KDM6A: variants seen among roughly 807,000 people sequenced by gnomAD.
KDM6A encodes the protein lysine-specific demethylase 6A.
In KDM6A, 11 loss-of-function variants were observed where a neutral mutation model predicts 117.6. The ratio of observed to expected loss-of-function variants is 0.09; its 90% CI spans 0.06 to 0.15. KDM6A has a LOEUF of 0.15. KDM6A is among the 10% of genes least tolerant of loss of function. The pLI is 1.00. For missense variants in KDM6A, 799 were observed against 1,077.3 expected (o/e 0.74, Z 3.62); for synonymous variants, 384 against 396.1 (o/e 0.97, Z 0.36).
intron 2 of KDM6A, among the ~76,000 whole-genome samples, chrX:44,880,189 A>AT (rs1185454172): frequency 9.1e-6 from 1 of 109,397 alleles, no homozygotes; most frequent in African/African-American, 3.3e-5. Context: ...AAAAAAAAAA[A>AT]ATCACATTTT....
intron 2 of KDM6A, among the ~76,000 whole-genome samples, chrX:44,887,171 C>T (rs1370928058): frequency 9.1e-6 from 1 of 110,389 alleles, no homozygotes; most frequent in African/African-American, 3.3e-5. Flanking sequence ...CCACCTGCCT[C>T]GGCCTCTGAA....
chrX:45,011,032 A>T lies in KDM6A; in HGVS notation c.443+13A>T. The T allele has an allele frequency of 8.7e-7, 1 of 1,149,353 alleles. No individual in the cohort carries two copies. Among genetic ancestry groups the T allele is most frequent in the Non-Finnish European group, 1.2e-6 (1 of 839,752 alleles). 94.7% of individuals were successfully genotyped at this position (1,149,353 alleles called of 1,213,427 possible). On this transcript the variant is annotated intron_variant, in intron 5 of 29. Coordinates refer to ENST00000611820, the MANE Select transcript of KDM6A (RefSeq NM_001291415.2). ...ATGCATTTCAGTGGTAAGTTGACAT[A>T]AAACCAGTAATTCAGTCATTTTCAG...
At chrX:44,948,301 C>G (rs2037783633) in intron 2 of KDM6A, among the ~76,000 whole-genome samples, 1 of 111,937 alleles carries the variant, frequency 8.9e-6, no homozygotes. Context: ...GTTAAAAGCT[C>G]TCTCTGTCTT....
chrX:45,079,582 C>T (rs1479090157), intron 21 of KDM6A, among the ~76,000 whole-genome samples: 2 of 111,783 alleles, frequency 1.8e-5, no homozygotes, highest in Admixed American at 9.5e-5. Context: ...CTCCATCTGT[C>T]GCCTAGGCTA....
At chrX:44,896,841 G>GC (rs2033907580) in intron 2 of KDM6A, among the ~76,000 whole-genome samples, 1 of 109,260 alleles carries the variant, frequency 9.2e-6, no homozygotes, top group African/African-American at 3.3e-5. Context: ...TGAGAAATTT[G>GC]CTGTCATTTG....
intron 4 of KDM6A, among the ~76,000 whole-genome samples, chrX:45,001,923 TCCTCAGG>T (rs1386194622): frequency 9.0e-6 from 1 of 111,027 alleles, no homozygotes; most frequent in African/African-American, 3.3e-5. Flanking sequence ...GAGAACGTGA[TCCTCAGG>T]CTGGTGCTGG....
Position 45,082,763 on chromosome X carries a change from C to G in KDM6A, c.3414C>G (p.Thr1138=), listed in dbSNP as rs2045472846. The G allele has an allele frequency of 1.7e-6, 2 of 1,195,702 alleles. No individual in the cohort carries two copies. The highest frequency in any genetic ancestry group is 2.3e-6 in the Non-Finnish European group (2 of 881,768). The part of the protein sequence containing the change: ...KGPFKTIKFG[T]NIDLSDDKKW... ...CCTTTAAAACCATAAAGTTTGGGAC[C>G]AATATTGACCTATCTGATGACAAAA... The change falls in exon 23 of 30, where the codon ACC becomes ACG. Residue 1138 remains threonine, a synonymous_variant. Transcript: ENST00000611820.
intron 2 of KDM6A, among the ~76,000 whole-genome samples, chrX:44,946,105 C>T (rs1440170928): frequency 8.9e-6 from 1 of 112,400 alleles, no homozygotes; most frequent in Non-Finnish European, 1.9e-5. Context: ...ATCAGATTTT[C>T]TTTTCTTTCG....
intron 2 of KDM6A, among the ~76,000 whole-genome samples, chrX:44,950,314 C>T (rs1026468086): frequency 9.0e-6 from 1 of 111,552 alleles, no homozygotes. Flanking sequence ...CCCCTGCGCC[C>T]GGCCTTGCCA....
chrX:44,883,179 C>T (rs960481057), intron 2 of KDM6A, among the ~76,000 whole-genome samples: 10 of 109,278 alleles, frequency 9.2e-5, no homozygotes, highest in African/African-American at 3.3e-4. Flanking sequence ...AGCAATTCTC[C>T]TGTCTCAGCC....
intron 2 of KDM6A, among the ~76,000 whole-genome samples, chrX:44,891,154 G>C (rs768952290): frequency 2.9e-4 from 32 of 110,668 alleles, no homozygotes; most frequent in Non-Finnish European, 5.1e-4. Context: ...ACAGTCTTTT[G>C]CAGTGCAAAG....
At chrX:44,919,673 C>T (rs1345231466) in intron 2 of KDM6A, among the ~76,000 whole-genome samples, 1 of 103,972 alleles carries the variant, frequency 9.6e-6, no homozygotes, top group Non-Finnish European at 2.0e-5. Context: ...TGGGGTCCCG[C>T]TCTGTTGCCC....
chrX:44,897,694 G>C (rs923471378), intron 2 of KDM6A, among the ~76,000 whole-genome samples: 2 of 111,446 alleles, frequency 1.8e-5, no homozygotes, highest in African/African-American at 6.5e-5. Context: ...TTGGCCTGCT[G>C]AGTAACTAGG....
At chrX:44,959,954 G>A (rs2038575984) in intron 2 of KDM6A, among the ~76,000 whole-genome samples, 1 of 111,532 alleles carries the variant, frequency 9.0e-6, no homozygotes, top group African/African-American at 3.3e-5. Flanking sequence ...AAGGATAATA[G>A]ACTCAGCCTA....
chrX:44,952,388 C>A lies in KDM6A; in HGVS notation c.226-8896C>A, dbSNP rs773588827. On this transcript the variant is annotated intron_variant, in intron 2 of 29. Coordinates refer to ENST00000611820, the MANE Select transcript of KDM6A (RefSeq NM_001291415.2). ...CTAGGTTCGAGCGATTCTCCTGCCT[C>A]AGCCTCCTGAGTAGCTGGAATTACA... Among the ~76,000 whole-genome samples, 6 of 108,619 alleles carry A rather than the reference C, an allele frequency of 5.5e-5. No individual in the cohort carries two copies. The East Asian group carries it at 1.8e-3, about 32-fold the overall frequency. 94.3% of individuals were successfully genotyped at this position (108,619 alleles called of 115,157 possible).
chrX:45,022,020 T>C (rs2042188182), intron 6 of KDM6A, among the ~76,000 whole-genome samples: 1 of 112,408 alleles, frequency 8.9e-6, no homozygotes, highest in African/African-American at 3.2e-5. Flanking sequence ...TAATACAGAA[T>C]AAACATTTAA....
At chrX:45,040,754 G>A (rs1299976807) in intron 8 of KDM6A, among the ~76,000 whole-genome samples, 1 of 66,771 alleles carries the variant, frequency 1.5e-5, no homozygotes, top group East Asian at 5.4e-4. Context: ...TGGATGGGGC[G>A]GCTGGCCGGG....
At chrX:44,987,894 G>T (rs1430069555) in intron 4 of KDM6A, among the ~76,000 whole-genome samples, 1 of 110,693 alleles carries the variant, frequency 9.0e-6, no homozygotes, top group Non-Finnish European at 1.9e-5. Flanking sequence ...TCTTGGAGTT[G>T]CTCTTCTCGA....
intron 4 of KDM6A, among the ~76,000 whole-genome samples, chrX:44,995,320 A>T (rs905204462): frequency 9.0e-6 from 1 of 110,825 alleles, no homozygotes; most frequent in Non-Finnish European, 1.9e-5. Flanking sequence ...ATTTATAAAG[A>T]TCCTTTTAAA....
Sources: allele counts gnomAD v4.1 joint callset (sites outside exome capture counted in the v4.1 genomes callset), GRCh38; gene constraint gnomAD v4.1.1; transcripts MANE v1.5; gene names NCBI Gene and HGNC (gene_info 2026-07-23, HGNC 2026-07-21).